The following ZWILCH variants were observed in gnomAD, a reference collection of about 807,000 sequenced individuals.
The protein encoded by ZWILCH is zwilch kinetochore protein, also known as protein zwilch homolog.
A neutral mutation model predicts 79.9 loss-of-function variants in ZWILCH; 74 were observed. The ratio of observed to expected loss-of-function variants is 0.93; its 90% CI spans 0.77 to 1.12. The LOEUF is 1.12. Ranked by LOEUF, ZWILCH falls within the 50% of genes most tolerant of loss-of-function variation. The probability of loss-of-function intolerance (pLI) is 0.00; values close to 1 mark genes in which losing one functional copy is unlikely to be tolerated. For missense variants in ZWILCH, 694 were observed against 687.5 expected, an observed-to-expected ratio of 1.01 and a Z score of -0.11; for synonymous variants, 241 against 228.2, an observed-to-expected ratio of 1.06 and a Z score of -0.51.
chr15:66,510,245 G>C (rs1894006933), intron 2 of ZWILCH, among the ~76,000 whole-genome samples: 1 of 141,518 alleles, frequency 7.1e-6, no homozygotes, highest in Non-Finnish European at 1.6e-5. Context: ...TAAAATGCCA[G>C]GTGCAGTAGC....
At position 66,509,869 on chromosome 15, in the gene ZWILCH, ATC is replaced by A. The variant is rs1235355403; in HGVS notation, c.105+981_105+982del. On this transcript the variant is annotated intron_variant, in intron 2 of 18. Transcript: ENST00000307897. The stretch of plus-strand genomic sequence containing the variant: ...TATATATATATATATATATATATAT[ATC>A]TCTTAAAAATCAATGAGGAAGATGG... Among the ~76,000 whole-genome samples, 49 of 102,228 alleles carry A rather than the reference ATC, an allele frequency of 4.8e-4. 1 individual carries two copies. The highest frequency in any genetic ancestry group is 8.8e-4 in the Non-Finnish European group (42 of 47,886). The allele number at this position is 102,228 out of a possible 152,430, so 67.1% of individuals were successfully genotyped here.
chr15:66,509,759 G>T (rs921581638), intron 2 of ZWILCH, among the ~76,000 whole-genome samples: 4 of 130,924 alleles, frequency 3.1e-5, no homozygotes, highest in Non-Finnish European at 7.1e-5. Context: ...GACAAGCTGG[G>T]GGTGGGGGGA....
intron 8 of ZWILCH, among the ~76,000 whole-genome samples, chr15:66,525,764 T>C (rs1369865476): frequency 3.6e-5 from 5 of 138,230 alleles, no homozygotes; most frequent in Admixed American, 2.4e-4. Context: ...TTCTTTTTTT[T>C]TTTTTTTTTT....
At chr15:66,522,782 G>A (rs1187723139) in intron 7 of ZWILCH, among the ~76,000 whole-genome samples, 4 of 152,146 alleles carry the variant, frequency 2.6e-5, no homozygotes, top group African/African-American at 7.2e-5. Context: ...CAGAAGCCTG[G>A]ATAGTGTTAA....
chr15:66,533,729 C>T (rs1223666529), intron 14 of ZWILCH, among the ~76,000 whole-genome samples: 10 of 151,716 alleles, frequency 6.6e-5, no homozygotes, highest in South Asian at 4.2e-4. Flanking sequence ...CACACACACG[C>T]GCACACACAC....
At chr15:66,544,759 T>TGTGTGTGTGTGTGTGTGTGTGTGTG (rs1364942806) in intron 17 of ZWILCH, among the ~76,000 whole-genome samples, 7 of 150,606 alleles carry the variant, frequency 4.6e-5, no homozygotes, top group African/African-American at 1.2e-4. Flanking sequence ...TGTGTGTGTG[T>TGTGTGTGTGTGTGTGTGTGTGTGTG]TTGAGATGGA....
chr15:66,513,124 T>A (rs1435760297), intron 2 of ZWILCH, among the ~76,000 whole-genome samples: 1 of 152,010 alleles, frequency 6.6e-6, no homozygotes, highest in Non-Finnish European at 1.5e-5. Flanking sequence ...AGAGATAGAG[T>A]TTCCCCATGT....
At chr15:66,524,132 C>A (rs919627484) in intron 8 of ZWILCH, among the ~76,000 whole-genome samples, 4 of 152,018 alleles carry the variant, frequency 2.6e-5, no homozygotes, top group Non-Finnish European at 5.9e-5. Context: ...TTTGTGTAGA[C>A]ATGTTTTCAC....
At position 66,546,646 on chromosome 15, in the gene ZWILCH, C is replaced by T; in HGVS notation, c.1743C>T (p.Asn581=). 1 of 1,608,926 alleles carries T rather than the reference C, an allele frequency of 6.2e-7. No homozygotes were observed. The highest frequency in any genetic ancestry group is 8.5e-7 in the Non-Finnish European group (1 of 1,177,700). Residue 581 remains asparagine (N), a synonymous_variant, in exon 18 of 19, where the codon AAC becomes AAT. Coordinates refer to ENST00000307897, the MANE Select transcript of ZWILCH (RefSeq NM_017975.5). ...GSLEERIFFT[N]MVTCSQVHFK ...TGGAAGAAAGGATATTCTTTACTAACATGGTTACCTGCAGCCAGGTGCATT... is the reference window on the plus strand; with the variant it reads ...TGGAAGAAAGGATATTCTTTACTAATATGGTTACCTGCAGCCAGGTGCATT...
At chr15:66,538,581 C>A (rs1334825563) in intron 16 of ZWILCH, among the ~76,000 whole-genome samples, 1 of 152,118 alleles carries the variant, frequency 6.6e-6, no homozygotes, top group Non-Finnish European at 1.5e-5. Flanking sequence ...CAGTGTTTCA[C>A]CATGTTGGCC....
intron 14 of ZWILCH, among the ~76,000 whole-genome samples, chr15:66,534,642 C>T (rs964679199): frequency 2.6e-5 from 4 of 151,972 alleles, no homozygotes; most frequent in Non-Finnish European, 5.9e-5. Flanking sequence ...ATTTGTGTAT[C>T]TAAACATAGA....
intron 1 of ZWILCH, 90 bp downstream of exon 1, chr15:66,505,481 C>T: frequency 2.0e-6 from 3 of 1,504,054 alleles, no homozygotes; most frequent in Non-Finnish European, 2.8e-6. Flanking sequence ...TCTTGCCACT[C>T]TGGGGATCAG....
In ZWILCH at chr15:66,549,452, A is replaced by G. The variant is rs1895511936; in HGVS notation, c.*1128A>G. 1 of 152,236 alleles carries G rather than the reference A, an allele frequency of 6.6e-6. No individual in the cohort carries two copies. Among genetic ancestry groups the G allele is most frequent in the Non-Finnish European group, 1.5e-5 (1 of 68,046 alleles). 9.4% of individuals were successfully genotyped at this position (152,236 alleles called of 1,614,324 possible). Reference sequence around the variant, plus strand: ...AAAGCATATTTCTCTGATTGCCCTTATGGAGAAATAAAGATAAAATTCAAA... The same window carrying G: ...AAAGCATATTTCTCTGATTGCCCTTGTGGAGAAATAAAGATAAAATTCAAA... On this transcript the variant is annotated 3_prime_UTR_variant, in exon 19 of 19. Coordinates refer to ENST00000307897, the MANE Select transcript of ZWILCH (RefSeq NM_017975.5).
rs1894161535 is a variant in ZWILCH at position 66,513,881 on chromosome 15, C to T, written c.106-107C>T. On this transcript the variant is annotated intron_variant, in intron 2 of 18. Coordinates refer to ENST00000307897, the MANE Select transcript of ZWILCH (RefSeq NM_017975.5). ...CCACCGTGCCCGGCCGAGACTCTGTCTCTTAAGGAAATTTTCCATTGACTT... is the reference window on the plus strand; with the variant it reads ...CCACCGTGCCCGGCCGAGACTCTGTTTCTTAAGGAAATTTTCCATTGACTT... 9.4e-6 allele frequency: 8 copies of T among 849,362 alleles called. 1 individual carries two copies. In the South Asian group the frequency reaches 1.5e-4, roughly 16 times the overall value. The allele number at this position is 849,362 out of a possible 1,614,324, so 52.6% of individuals were successfully genotyped here.
rs770175172 is a variant in ZWILCH at position 66,514,131 on chromosome 15, T to A, written c.201+48T>A. 1.4e-5 allele frequency: 20 copies of A among 1,425,928 alleles called. No individual in the cohort carries two copies. In the African/African-American group the frequency reaches 2.3e-4, roughly 16 times the overall value. The allele number at this position is 1,425,928 out of a possible 1,614,324, so 88.3% of individuals were successfully genotyped here. ...GGTTGTTTAATTCTCCATAACCAAATTTGGTTTCTTGGGAATAATCTAACG... is the reference window on the plus strand; with the variant it reads ...GGTTGTTTAATTCTCCATAACCAAAATTGGTTTCTTGGGAATAATCTAACG... On this transcript the variant is annotated intron_variant, in intron 3 of 18. Transcript: ENST00000307897.
intron 8 of ZWILCH, among the ~76,000 whole-genome samples, chr15:66,526,185 TAAC>T (rs1894668499): frequency 6.6e-6 from 1 of 152,230 alleles, no homozygotes. Flanking sequence ...GAGAAATTCT[TAAC>T]TAGATCATGT....
intron 16 of ZWILCH, 31 bp downstream of exon 16, chr15:66,537,294 A>G (rs780766018): frequency 1.3e-6 from 2 of 1,518,606 alleles, no homozygotes; most frequent in Non-Finnish European, 1.8e-6. Context: ...ATGGTGGCTC[A>G]TGCCTGTAAT....
At chr15:66,538,506 C>T (rs62011921) in intron 16 of ZWILCH, among the ~76,000 whole-genome samples, 18,122 of 152,042 alleles carry the variant, frequency 0.12, 1,532 homozygotes, top group Admixed American at 0.18. Context: ...CCTCAGCCTC[C>T]GGAGTAGCTG....
At chr15:66,514,925 A>G (rs989525302) in intron 3 of ZWILCH, among the ~76,000 whole-genome samples, 4 of 152,042 alleles carry the variant, frequency 2.6e-5, no homozygotes, top group African/African-American at 9.7e-5. Context: ...TTACCTAATC[A>G]TTTTGTGCAA....
Sources: gnomAD v4.1 joint callset for allele counts (sites outside exome capture counted in the v4.1 genomes callset) on GRCh38, gnomAD v4.1.1 for gene constraint, MANE v1.5 for transcripts, NCBI Gene and HGNC (gene_info 2026-07-23, HGNC 2026-07-21) for gene names.